The following GADL1 variants were observed in gnomAD, a reference collection of about 807,000 sequenced individuals.
The protein encoded by GADL1 is GAD like acidic amino acid decarboxylase 1.
In GADL1, 71 loss-of-function variants were observed where a neutral mutation model predicts 69.5. The observed-to-expected ratio is 1.02, with a 90% CI of 0.84 to 1.25. The LOEUF (loss-of-function observed/expected upper bound fraction) is 1.25, where lower values mean the gene tolerates loss of function less well. Ranked by LOEUF, GADL1 falls within the 50% of genes most tolerant of loss-of-function variation. The probability of loss-of-function intolerance (pLI) is 0.00; values close to 1 mark genes in which losing one functional copy is unlikely to be tolerated. For missense variants in GADL1, 737 were observed against 631.8 expected, an observed-to-expected ratio of 1.17 and a Z score of -1.79; for synonymous variants, 254 against 214.4, an observed-to-expected ratio of 1.18 and a Z score of -1.62.
intron 14 of GADL1, among the ~76,000 whole-genome samples, chr3:30,752,586 T>TG (rs1186693099): frequency 1.3e-5 from 2 of 152,102 alleles, no homozygotes; most frequent in African/African-American, 2.4e-5. Context: ...GTTATGCGAG[T>TG]GTTTTTCTCT....
At chr3:30,882,650 C>T (rs919078273) in intron 1 of GADL1, among the ~76,000 whole-genome samples, 1 of 151,844 alleles carries the variant, frequency 6.6e-6, no homozygotes, top group Admixed American at 6.6e-5. Context: ...TATCTCTTTA[C>T]CCTGTTTTCA....
intron 5 of GADL1, among the ~76,000 whole-genome samples, 179 bp from the exon 6 acceptor site, chr3:30,850,290 C>T (rs138454690): frequency 3.9e-5 from 6 of 152,238 alleles, no homozygotes; most frequent in African/African-American, 9.6e-5. Flanking sequence ...ATTACATACC[C>T]TAATCTCTAA....
intron 14 of GADL1, among the ~76,000 whole-genome samples, chr3:30,767,502 GAATT>G (rs771860569): frequency 3.9e-5 from 6 of 152,008 alleles, no homozygotes; most frequent in Non-Finnish European, 5.9e-5. Context: ...GTGTTAGGAG[GAATT>G]AATTAGAAAA....
chr3:30,822,961 G>C (rs1462059719), intron 11 of GADL1, among the ~76,000 whole-genome samples: 1 of 151,996 alleles, frequency 6.6e-6, no homozygotes, highest in South Asian at 2.1e-4. Flanking sequence ...CTTATTTCCA[G>C]TGGCAGTATT....
intron 11 of GADL1, among the ~76,000 whole-genome samples, chr3:30,809,032 T>C (rs992314468): frequency 1.5e-4 from 23 of 152,194 alleles, no homozygotes; most frequent in African/African-American, 5.1e-4. Flanking sequence ...GTAAGAGCTA[T>C]TCACTTATAA....
chr3:30,818,671 G>A (rs1252774827), intron 11 of GADL1, among the ~76,000 whole-genome samples: 1 of 152,096 alleles, frequency 6.6e-6, no homozygotes, highest in Non-Finnish European at 1.5e-5. Context: ...TGTAACATTT[G>A]AGATATACTT....
chr3:30,755,285 A>AT (rs1695940888), intron 14 of GADL1, among the ~76,000 whole-genome samples: 1 of 125,658 alleles, frequency 8.0e-6, no homozygotes, highest in South Asian at 2.8e-4. Flanking sequence ...CATCAGCTTG[A>AT]TTTATTAACC....
At chr3:30,841,629 A>G (rs1409046613) in intron 8 of GADL1, among the ~76,000 whole-genome samples, 1 of 152,194 alleles carries the variant, frequency 6.6e-6, no homozygotes, top group African/African-American at 2.4e-5. Context: ...ATTTTTCTTT[A>G]TAGTAGAATG....
chr3:30,886,825 G>T (rs373798741), intron 1 of GADL1, among the ~76,000 whole-genome samples: 13 of 152,176 alleles, frequency 8.5e-5, no homozygotes, highest in African/African-American at 2.7e-4. Context: ...ATAGACAGTG[G>T]ACAAAACCAC....
At chr3:30,894,104 T>G (rs1415544463) in intron 1 of GADL1, among the ~76,000 whole-genome samples, 1 of 152,186 alleles carries the variant, frequency 6.6e-6, no homozygotes, top group Non-Finnish European at 1.5e-5. Flanking sequence ...AATCTGCAGC[T>G]CTGAACCAAA....
rs182294444 is a variant in GADL1 at position 30,788,018 on chromosome 3, T to G, written c.1251-1612A>C. 2.3e-4 allele frequency among the ~76,000 whole-genome samples: 35 copies of G among 152,316 alleles called. No individual in the cohort carries two copies. The Middle Eastern group carries it at 0.014, about 59-fold the overall frequency. On this transcript the variant is annotated intron_variant, in intron 12 of 14. Transcript: ENST00000282538. The stretch of plus-strand genomic sequence containing the variant: ...ATATTAACTAGTAATATGGGAATCC[T>G]TGAGCGATAACGTGAGCATACACAT...
intron 4 of GADL1, among the ~76,000 whole-genome samples, chr3:30,851,841 C>G (rs1354202601): frequency 6.6e-6 from 1 of 152,124 alleles, no homozygotes; most frequent in Non-Finnish European, 1.5e-5. Context: ...ATGTTGATCC[C>G]AAGGGTACTC....
chr3:30,755,910 G>A (rs1464304019), intron 14 of GADL1, among the ~76,000 whole-genome samples: 1 of 151,956 alleles, frequency 6.6e-6, no homozygotes, highest in East Asian at 1.9e-4. Context: ...GTTCCTCTGT[G>A]TGAGCCACTG....
intron 6 of GADL1, among the ~76,000 whole-genome samples, chr3:30,846,651 T>G (rs1449154604): frequency 6.6e-6 from 1 of 152,124 alleles, no homozygotes; most frequent in African/African-American, 2.4e-5. Context: ...TTTTAGAGAA[T>G]GAACAAAAAG....
chr3:30,762,858 G>C (rs1696174606), intron 14 of GADL1, among the ~76,000 whole-genome samples: 1 of 151,914 alleles, frequency 6.6e-6, no homozygotes, highest in Non-Finnish European at 1.5e-5. Flanking sequence ...TCTTTTCCTT[G>C]CTTTATTTCA....
chr3:30,856,712 G>C (rs181496426), intron 3 of GADL1, among the ~76,000 whole-genome samples: 1 of 152,088 alleles, frequency 6.6e-6, no homozygotes, highest in Admixed American at 6.6e-5. Flanking sequence ...TCTAACACAA[G>C]AAATGATAAG....
At chr3:30,868,608 T>A (rs1028879310) in intron 1 of GADL1, among the ~76,000 whole-genome samples, 1 of 151,930 alleles carries the variant, frequency 6.6e-6, no homozygotes, top group African/African-American at 2.4e-5. Context: ...CTAAACAAAG[T>A]GCCAGGGACA....
chr3:30,763,331 G>A (rs1022128044), intron 14 of GADL1, among the ~76,000 whole-genome samples: 1 of 151,784 alleles, frequency 6.6e-6, no homozygotes, highest in Admixed American at 6.6e-5. Flanking sequence ...ACCCCCTGTC[G>A]CTACTAAAAA....
At chr3:30,747,735 A>G (rs1695729659) in intron 14 of GADL1, among the ~76,000 whole-genome samples, 1 of 152,182 alleles carries the variant, frequency 6.6e-6, no homozygotes, top group African/African-American at 2.4e-5. Flanking sequence ...TGGTCAATCC[A>G]CTTCCTTTGT....
Sources: gnomAD v4.1 joint callset for allele counts (sites outside exome capture counted in the v4.1 genomes callset) on GRCh38, gnomAD v4.1.1 for gene constraint, MANE v1.5 for transcripts, NCBI Gene and HGNC (gene_info 2026-07-23, HGNC 2026-07-21) for gene names.